The following KIF26B variants were observed in gnomAD, a reference collection of about 807,000 sequenced individuals.
KIF26B encodes the protein kinesin-like protein KIF26B.
Under a neutral mutation model 151.2 loss-of-function variants are expected in KIF26B, and 63 were observed. That is an observed-to-expected ratio of 0.42 (90% CI 0.34 to 0.51). KIF26B has a LOEUF of 0.51. Among genes scored for constraint, KIF26B ranks in the 20% least tolerant of loss-of-function variants. The pLI, the probability that KIF26B is intolerant of heterozygous loss-of-function variation, is 0.07. For missense variants in KIF26B, 2,813 were observed against 2,913.6 expected, an observed-to-expected ratio of 0.97 and a Z score of 0.79; for synonymous variants, 1,357 against 1,262.1, an observed-to-expected ratio of 1.08 and a Z score of -1.59.
intron 4 of KIF26B, among the ~76,000 whole-genome samples, chr1:245,496,501 T>C (rs1282601039): frequency 6.6e-6 from 1 of 152,158 alleles, no homozygotes; most frequent in Non-Finnish European, 1.5e-5. Flanking sequence ...ACTCAGAATT[T>C]TACCAGACTA....
At chr1:245,483,430 G>C (rs905584026) in intron 4 of KIF26B, among the ~76,000 whole-genome samples, 6 of 151,866 alleles carry the variant, frequency 4.0e-5, no homozygotes, top group African/African-American at 1.4e-4. Flanking sequence ...CTGAACCTCT[G>C]TGCTTCCTGA....
chr1:245,699,162 A>G, intron 14 of KIF26B, 125 bp downstream of exon 14: 1 of 1,044,374 alleles, frequency 9.6e-7, no homozygotes, highest in Non-Finnish European at 1.4e-6. Context: ...GATGCCCATC[A>G]AATGGAGGAA....
At chr1:245,389,898 A>G (rs1474959900) in intron 3 of KIF26B, among the ~76,000 whole-genome samples, 1 of 152,122 alleles carries the variant, frequency 6.6e-6, no homozygotes, top group Admixed American at 6.5e-5. Flanking sequence ...CTCCTTCTTG[A>G]TTTACTTAGT....
At chr1:245,648,845 T>G (rs1446937368) in intron 10 of KIF26B, among the ~76,000 whole-genome samples, 1 of 152,146 alleles carries the variant, frequency 6.6e-6, no homozygotes, top group Non-Finnish European at 1.5e-5. Flanking sequence ...AGTGTTTCTG[T>G]GTCTCAAGTA....
intron 10 of KIF26B, chr1:245,676,531 G>A (rs1572195292): frequency 6.6e-6 from 1 of 152,316 alleles, no homozygotes; most frequent in Non-Finnish European, 1.5e-5. Flanking sequence ...ATTCTATTGA[G>A]ACTGTTTGCT....
intron 9 of KIF26B, among the ~76,000 whole-genome samples, chr1:245,622,752 G>T (rs2043678003): frequency 6.6e-6 from 1 of 152,152 alleles, no homozygotes; most frequent in Non-Finnish European, 1.5e-5. Context: ...CTGTAAGCTG[G>T]GCCGCCTGGA....
In KIF26B at chr1:245,688,545, C is replaced by A; in HGVS notation, c.5562C>A (p.Ile1854=). ...AHLLPSPYSK[I]TPPRRPHRCS... ...TGCTCCCGTCGCCCTACAGCAAGAT[C>A]ACGCCCCCGCGGAGGCCCCACCGCT... is the stretch of plus-strand genomic sequence containing the variant. The change falls in exon 12 of 15, where the codon ATC becomes ATA. Residue 1854 remains isoleucine, a synonymous_variant. Transcript: ENST00000407071. 1 of 1,541,506 alleles carries A rather than the reference C, an allele frequency of 6.5e-7. No homozygotes were observed. Among genetic ancestry groups the A allele is most frequent in the Non-Finnish European group, 8.7e-7 (1 of 1,146,206 alleles).
chr1:245,516,845 T>A lies in KIF26B; in HGVS notation c.1167-23922T>A, dbSNP rs149103087. The stretch of plus-strand genomic sequence containing the variant: ...CACAAAAGTTCCGGTTACCAGACTG[T>A]CCCTGGATACTGGGGACTAAAAGCT... On this transcript the variant is annotated intron_variant, in intron 4 of 14. Coordinates refer to ENST00000407071, the MANE Select transcript of KIF26B (RefSeq NM_018012.4). This position sits in a 1 kb window ranked among gnomAD's most constrained non-coding sequence, Gnocchi z 4.2. Among the ~76,000 whole-genome samples, 2,182 of 146,988 alleles carry A rather than the reference T, an allele frequency of 0.015. 52 individuals are homozygous for A. Among genetic ancestry groups the A allele is most frequent in the African/African-American group, 0.05 (2,030 of 40,656 alleles).
chr1:245,156,466 G>A lies in KIF26B; in HGVS notation c.248G>A (p.Gly83Asp). 1 of 1,524,786 alleles carries A rather than the reference G, an allele frequency of 6.6e-7. No individual in the cohort carries two copies. The highest frequency in any genetic ancestry group is 8.8e-7 in the Non-Finnish European group (1 of 1,140,036). 94.5% of individuals were successfully genotyped at this position (1,524,786 alleles called of 1,614,324 possible). Residue 83 changes from glycine (G) to aspartate (D), a missense_variant, in exon 2 of 15, where the codon GGC becomes GAC. Coordinates refer to ENST00000407071, the MANE Select transcript of KIF26B (RefSeq NM_018012.4). ...SGTSSPSSFT[G>D]SPGPASPGIG... ...ACCTCGTCCCCGAGCTCGTTCACCG[G>A]CTCCCCGGGACCCGCCTCCCCCGGC... is the stretch of plus-strand genomic sequence containing the variant.
intron 10 of KIF26B, among the ~76,000 whole-genome samples, chr1:245,680,781 G>C (rs910816446): frequency 6.6e-6 from 1 of 152,180 alleles, no homozygotes; most frequent in African/African-American, 2.4e-5. Flanking sequence ...GTCATTCTCC[G>C]ACACGGGCAG....
At chr1:245,295,183 A>G (rs1252217819) in intron 2 of KIF26B, among the ~76,000 whole-genome samples, 1 of 152,236 alleles carries the variant, frequency 6.6e-6, no homozygotes, top group Non-Finnish European at 1.5e-5. Context: ...CCCTTTTCAA[A>G]CATTCGATAT....
intron 4 of KIF26B, among the ~76,000 whole-genome samples, chr1:245,480,367 C>T (rs540086870): frequency 1.3e-4 from 20 of 151,516 alleles, no homozygotes; most frequent in African/African-American, 2.9e-4. Flanking sequence ...CATGTGGAAG[C>T]GGGTGACCCA....
chr1:245,622,950 A>T (rs1447405082), intron 9 of KIF26B, among the ~76,000 whole-genome samples: 1 of 149,054 alleles, frequency 6.7e-6, no homozygotes, highest in African/African-American at 2.5e-5. Context: ...CGCAGGATGT[A>T]GTTGAGAGCT....
intron 3 of KIF26B, among the ~76,000 whole-genome samples, chr1:245,408,739 T>G (rs979678512): frequency 1.3e-5 from 2 of 152,184 alleles, no homozygotes; most frequent in African/African-American, 4.8e-5. Flanking sequence ...CCGTACATTC[T>G]CTGGATGATG....
At position 245,495,202 on chromosome 1, in the gene KIF26B, G is replaced by A. The variant is rs577645001; in HGVS notation, c.1167-45565G>A. 6.6e-6 allele frequency among the ~76,000 whole-genome samples: 1 copy of A among 152,218 alleles called. No homozygotes were observed. The highest frequency in any genetic ancestry group is 2.4e-5 in the African/African-American group (1 of 41,548). On this transcript the variant is annotated intron_variant, in intron 4 of 14. Coordinates refer to ENST00000407071, the MANE Select transcript of KIF26B (RefSeq NM_018012.4). This position sits in a 1 kb window ranked among gnomAD's most constrained non-coding sequence, Gnocchi z 4.2. ...TGCAAATCAGTTGAAAATATCCAGA[G>A]AGATACATGGAGAACAAAAAGGATC...
chr1:245,243,600 A>C (rs920659711), intron 2 of KIF26B, among the ~76,000 whole-genome samples: 5 of 152,158 alleles, frequency 3.3e-5, no homozygotes, highest in Non-Finnish European at 5.9e-5. Flanking sequence ...TTTTAACTTC[A>C]ATAAAGCCAA....
At chr1:245,178,724 G>C (rs1477196693) in intron 2 of KIF26B, among the ~76,000 whole-genome samples, 1 of 152,130 alleles carries the variant, frequency 6.6e-6, no homozygotes, top group East Asian at 1.9e-4. Flanking sequence ...TCTACTAATA[G>C]ATCACCTGAG....
rs781172343 is a variant in KIF26B at position 245,662,135 on chromosome 1, TAC to T, written c.2258+15862_2258+15863del. 3.3e-5 allele frequency among the ~76,000 whole-genome samples: 5 copies of T among 149,786 alleles called. No individual in the cohort carries two copies. The South Asian group carries it at 1.1e-3, about 32-fold the overall frequency. The stretch of plus-strand genomic sequence containing the variant: ...ATATATATACCCAATGATATATACA[TAC>T]ACACACCCCATATATATATACCCAA... On this transcript the variant is annotated intron_variant, in intron 10 of 14. Coordinates refer to ENST00000407071, the MANE Select transcript of KIF26B (RefSeq NM_018012.4).
chr1:245,184,263 T>C (rs1394900625), intron 2 of KIF26B, among the ~76,000 whole-genome samples: 1 of 151,442 alleles, frequency 6.6e-6, no homozygotes, highest in Non-Finnish European at 1.5e-5. Context: ...CAAAGGCAAA[T>C]TGAATGGTAG....
Sources: gnomAD v4.1 joint callset for allele counts (sites outside exome capture counted in the v4.1 genomes callset) on GRCh38, gnomAD v4.1.1 for gene constraint, Gnocchi (gnomAD v3.1) non-coding constraint, MANE v1.5 for transcripts, NCBI Gene and HGNC (gene_info 2026-07-23, HGNC 2026-07-21) for gene names.